Variants in ERICH3 observed in about 807,000 individuals in gnomAD.
The protein encoded by ERICH3 is glutamate rich 3.
A neutral mutation model predicts 131.1 loss-of-function variants in ERICH3; 126 were observed. The ratio of observed to expected loss-of-function variants is 0.96; its 90% confidence interval spans 0.83 to 1.11. The LOEUF (loss-of-function observed/expected upper bound fraction) is 1.11. Among genes scored for constraint, ERICH3 ranks in the 50% most tolerant of loss-of-function variants. The pLI is 0.00. For synonymous variants in ERICH3, 695 were observed against 644.6 expected (o/e 1.08, Z -1.18); for missense variants, 2,050 against 1,810.7 (o/e 1.13, Z -2.40).
intron 10 of ERICH3, 83 bp downstream of exon 10, chr1:74,606,517 AT>A: frequency 2.1e-6 from 3 of 1,407,012 alleles, no homozygotes. Flanking sequence ...TTTAATGGGT[AT>A]TTTTGAAAAT....
At chr1:74,626,273 A>G (rs1649412476) in intron 7 of ERICH3, among the ~76,000 whole-genome samples, 1 of 152,164 alleles carries the variant, frequency 6.6e-6, no homozygotes, top group Non-Finnish European at 1.5e-5. Context: ...TTACAGGACA[A>G]AAGTTTGTGC....
chr1:74,631,303 T>C (rs1307224900), intron 7 of ERICH3, among the ~76,000 whole-genome samples: 1 of 152,152 alleles, frequency 6.6e-6, no homozygotes. Context: ...TATCTATGTA[T>C]GATACAGTAA....
chr1:74,576,232 T>C (rs995895115), intron 13 of ERICH3, among the ~76,000 whole-genome samples: 1 of 152,228 alleles, frequency 6.6e-6, no homozygotes, highest in Non-Finnish European at 1.5e-5. Flanking sequence ...AAGAAAGCCC[T>C]AATAATCTTC....
chr1:74,577,301 G>A (rs781493982), intron 12 of ERICH3: 16 of 163,340 alleles, frequency 9.8e-5, no homozygotes, highest in African/African-American at 2.6e-4. Flanking sequence ...GAAACAGGCC[G>A]TCTTTTGCAG....
chr1:74,669,118 C>T (rs1485931929), intron 1 of ERICH3, among the ~76,000 whole-genome samples: 1 of 152,106 alleles, frequency 6.6e-6, no homozygotes, highest in African/African-American at 2.4e-5. Flanking sequence ...TTTTAATCTG[C>T]CTTCGATGAA....
chr1:74,638,909 T>C (rs567930254), intron 5 of ERICH3, among the ~76,000 whole-genome samples: 1 of 152,294 alleles, frequency 6.6e-6, no homozygotes, highest in African/African-American at 2.4e-5. Flanking sequence ...AGAGTTAAGA[T>C]AGCATGCCAG....
intron 5 of ERICH3, among the ~76,000 whole-genome samples, chr1:74,637,923 A>C (rs1343234261): frequency 2.0e-5 from 3 of 152,086 alleles, no homozygotes; most frequent in African/African-American, 7.2e-5. Flanking sequence ...AAAAAAAAAA[A>C]AGATTAGCAA....
intron 1 of ERICH3, among the ~76,000 whole-genome samples, chr1:74,671,017 TG>T (rs201842864): frequency 0.68 from 103,769 of 151,506 alleles, 36,955 homozygotes; most frequent in East Asian, 0.97. Flanking sequence ...CTTACTAGGG[TG>T]GGGGAAAATC....
intron 1 of ERICH3, among the ~76,000 whole-genome samples, chr1:74,669,843 A>C (rs191953319): frequency 1.3e-5 from 2 of 152,340 alleles, no homozygotes; most frequent in East Asian, 3.9e-4. Context: ...GAATCAGGAC[A>C]TCATTTATTG....
At position 74,612,632 on chromosome 1, in the gene ERICH3, G is replaced by A. The variant is rs776422645; in HGVS notation, c.1178C>T (p.Pro393Leu). 7.7e-6 allele frequency: 12 copies of A among 1,554,864 alleles called. No individual in the cohort carries two copies. The Admixed American group carries it at 1.7e-4, about 22-fold the overall frequency. ...FGFVCVERSSPCYKCIIAMGL... is the reference protein window; with the variant it reads ...FGFVCVERSSLCYKCIIAMGL... ...ACATTTGTTTCCATACTTGTAGCAA[G>A]GAGATGATCTCTCAACACACACAAA... is the stretch of plus-strand genomic sequence containing the variant. Residue 393 changes from proline (P) to leucine (L), a missense_variant, in exon 9 of 15, where the codon CCT becomes CTT. Physicochemically the swap from Pro to Leu is moderately conservative, Grantham distance 98. Coordinates refer to ENST00000326665, the MANE Select transcript of ERICH3 (RefSeq NM_001002912.5).
intron 11 of ERICH3, among the ~76,000 whole-genome samples, chr1:74,594,468 C>A (rs1647754109): frequency 1.3e-5 from 2 of 152,032 alleles, no homozygotes; most frequent in Non-Finnish European, 2.9e-5. Context: ...TCTGAGTTGT[C>A]CTCACTTTCC....
At chr1:74,630,548 C>G (rs1441437150) in intron 7 of ERICH3, among the ~76,000 whole-genome samples, 4 of 152,086 alleles carry the variant, frequency 2.6e-5, no homozygotes, top group African/African-American at 9.7e-5. Flanking sequence ...AAATTGTGAG[C>G]AAGAATATTG....
At chr1:74,672,694 G>A (rs1043827269) in intron 1 of ERICH3, among the ~76,000 whole-genome samples, 1 of 152,030 alleles carries the variant, frequency 6.6e-6, no homozygotes, top group African/African-American at 2.4e-5. Flanking sequence ...CTTACTAGAT[G>A]TATCATAATA....
In ERICH3 at chr1:74,612,747, T is replaced by C; in HGVS notation, c.1063A>G (p.Asn355Asp). 1.2e-6 allele frequency: 2 copies of C among 1,601,934 alleles called. No homozygotes were observed. The highest frequency in any genetic ancestry group is 1.7e-6 in the Non-Finnish European group (2 of 1,170,646). Residue 355 changes from asparagine (N) to aspartate (D), a missense_variant, in exon 9 of 15, where the codon AAT (asparagine) becomes GAT (aspartate). Coordinates refer to ENST00000326665, the MANE Select transcript of ERICH3 (RefSeq NM_001002912.5). Reference sequence around the variant, plus strand: ...CTTAACCTGTTCACCTGCATCCCATTCAGGAAAAAGGTGAGACTGAAGGGG... The same window carrying C: ...CTTAACCTGTTCACCTGCATCCCATCCAGGAAAAAGGTGAGACTGAAGGGG... The part of the protein sequence containing the change: ...GFPFSLTFFL[N>D]GMQVNRLSSC...
intron 8 of ERICH3, among the ~76,000 whole-genome samples, chr1:74,613,273 G>C (rs539664685): frequency 1.3e-5 from 2 of 152,190 alleles, no homozygotes; most frequent in South Asian, 4.1e-4. Context: ...GGTTACATGA[G>C]CACTTACTGT....
In ERICH3 at chr1:74,572,430, CTTT is replaced by C; in HGVS notation, c.3277_3279del (p.Lys1093del). Reference sequence around the variant, plus strand: ...TCTTCCGCTTTAAGTTTTTGCTCTTCTTTAAAAGCATCTTCATCCTTGAGTGCA... The same window carrying C: ...TCTTCCGCTTTAAGTTTTTGCTCTTCAAAAGCATCTTCATCCTTGAGTGCA... On this transcript the variant is annotated inframe_deletion, in exon 14 of 15. Transcript: ENST00000326665. 6.2e-7 allele frequency: 1 copy of C among 1,613,978 alleles called. No homozygotes were observed. Among genetic ancestry groups the C allele is most frequent in the East Asian group, 2.2e-5 (1 of 44,866 alleles).
At chr1:74,614,247 C>T (rs1648836177) in intron 8 of ERICH3, among the ~76,000 whole-genome samples, 1 of 151,612 alleles carries the variant, frequency 6.6e-6, no homozygotes, top group African/African-American at 2.4e-5. Flanking sequence ...GTTGATGCAT[C>T]TTTTTTCTCC....
At chr1:74,649,943 A>G (rs1259698580) in intron 1 of ERICH3, among the ~76,000 whole-genome samples, 1 of 151,974 alleles carries the variant, frequency 6.6e-6, no homozygotes, top group Non-Finnish European at 1.5e-5. Flanking sequence ...CTGAGTTACT[A>G]TCTCATCACA....
intron 5 of ERICH3, 102 bp from the exon 6 acceptor site, chr1:74,636,540 T>A: frequency 1.8e-6 from 2 of 1,138,454 alleles, no homozygotes; most frequent in Non-Finnish European, 2.5e-6. Flanking sequence ...TAATGGTGCC[T>A]TTTTACTGAA....
Sources: allele counts gnomAD v4.1 joint callset (sites outside exome capture counted in the v4.1 genomes callset), GRCh38; gene constraint gnomAD v4.1.1; transcripts MANE v1.5; gene names NCBI Gene and HGNC (gene_info 2026-07-23, HGNC 2026-07-21).